The following TBC1D10B variants were observed in gnomAD, a reference collection of about 807,000 sequenced individuals.
TBC1D10B encodes the protein Rab27A-GAPbeta.
Under a neutral mutation model 78.4 loss-of-function variants are expected in TBC1D10B, and 25 were observed. That is an observed-to-expected ratio of 0.32 (90% CI 0.23 to 0.45). The LOEUF is 0.45. Ranked by LOEUF, TBC1D10B falls within the 20% of genes least tolerant of loss-of-function variation. The pLI is 1.00. For synonymous variants in TBC1D10B, 517 were observed against 478.0 expected (o/e 1.08, Z -1.06); for missense variants, 996 against 1,104.8 (o/e 0.90, Z 1.40).
rs2049625197 is a variant in TBC1D10B, at chr16:30,364,914, A to G, written c.1257T>C (p.Ala419=). 1.9e-6 allele frequency: 3 copies of G among 1,611,572 alleles called. No homozygotes were observed. The East Asian group carries it at 6.7e-5, about 36-fold the overall frequency. ...GGCCACCTTACCCATGCCCCCCTCG[A>G]GCAGCAAACATCTCGTGGAAAGGGA... is the stretch of plus-strand genomic sequence containing the variant. ...RQFPFHEMFA[A]RGGHGQQDLY... The change falls in exon 4 of 9, where the codon GCT becomes GCC. Residue 419 remains alanine (A), a synonymous_variant. Coordinates refer to ENST00000409939, the MANE Select transcript of TBC1D10B (RefSeq NM_015527.4).
intron 1 of TBC1D10B, among the ~76,000 whole-genome samples, chr16:30,368,594 G>C (rs1339745659): frequency 6.6e-6 from 1 of 152,160 alleles, no homozygotes; most frequent in Admixed American, 6.5e-5. Context: ...AACTAGGAAA[G>C]AGTCAGCCCG....
rs1246686838 is a variant in TBC1D10B, at chr16:30,365,460, T to G, written c.1056+35A>C. On this transcript the variant is annotated intron_variant, in intron 2 of 8. Coordinates refer to ENST00000409939, the MANE Select transcript of TBC1D10B (RefSeq NM_015527.4). This position sits in a 1 kb window ranked among gnomAD's most constrained non-coding sequence, Gnocchi z 5.0. The stretch of plus-strand genomic sequence containing the variant: ...GGAGCACATGCTACCCCTCCCAACT[T>G]GTGCATTGCCCTGCCCACCATTCAG... 3.1e-6 allele frequency: 5 copies of G among 1,610,646 alleles called. No individual in the cohort carries two copies. The highest frequency in any genetic ancestry group is 4.2e-6 in the Non-Finnish European group (5 of 1,176,976).
At position 30,369,139 on chromosome 16, in the gene TBC1D10B, A is replaced by C; in HGVS notation, c.956+89T>G. The C allele has an allele frequency of 7.4e-7, 1 of 1,345,722 alleles. No individual in the cohort carries two copies. The highest frequency in any genetic ancestry group is 1.0e-6 in the Non-Finnish European group (1 of 1,002,658). The allele number at this position is 1,345,722 out of a possible 1,614,324, so 83.4% of individuals were successfully genotyped here. ...TCCTCAGAGGAGGCTGGGCTGCCAGAGTCTGGGCAAAGTGTATCGTTTTCG... is the reference window on the plus strand; with the variant it reads ...TCCTCAGAGGAGGCTGGGCTGCCAGCGTCTGGGCAAAGTGTATCGTTTTCG... On this transcript the variant is annotated intron_variant, in intron 1 of 8. Coordinates refer to ENST00000409939, the MANE Select transcript of TBC1D10B (RefSeq NM_015527.4). This position sits in a 1 kb window ranked among gnomAD's most constrained non-coding sequence, Gnocchi z 4.3.
chr16:30,358,328 G>A lies in TBC1D10B; in HGVS notation c.2043C>T (p.Pro681=), dbSNP rs373727515. ...RAAGGAPSPP[P]PVRRASAGPA... ...GCCCAGCACTGGCTCTGCGGACGGG[G>A]GGCGGCGGGGACGGGGCCCCTCCAG... The change falls in exon 9 of 9, where the codon CCC becomes CCT. Residue 681 remains proline, a synonymous_variant. Transcript: ENST00000409939. 6.4e-7 allele frequency: 1 copy of A among 1,567,786 alleles called. No individual in the cohort carries two copies. Among genetic ancestry groups the A allele is most frequent in the Non-Finnish European group, 8.6e-7 (1 of 1,156,270 alleles).
intron 4 of TBC1D10B, among the ~76,000 whole-genome samples, chr16:30,364,134 AAAAG>A (rs1176039607): frequency 1.3e-5 from 2 of 151,164 alleles, no homozygotes; most frequent in Non-Finnish European, 3.0e-5. Flanking sequence ...AAAAAAAAAG[AAAAG>A]AAAGAACAAA....
rs2049682376 is a variant in TBC1D10B at position 30,370,465 on chromosome 16, G to T, written c.-282C>A. Among the ~76,000 whole-genome samples the T allele has an allele frequency of 6.6e-6, 1 of 152,042 alleles. No homozygotes were observed. The highest frequency in any genetic ancestry group is 2.1e-4 in the South Asian group (1 of 4,836). ...CCGCCGACCTCGCGCCTGCGCACAC[G>T]CCGCAGAGCCGGCTCCGCGCCAGCG... On this transcript the variant is annotated 5_prime_UTR_variant, in exon 1 of 9. Coordinates refer to ENST00000409939, the MANE Select transcript of TBC1D10B (RefSeq NM_015527.4).
intron 4 of TBC1D10B, among the ~76,000 whole-genome samples, chr16:30,360,616 T>C (rs992671794): frequency 1.1e-4 from 17 of 152,248 alleles, no homozygotes; most frequent in Non-Finnish European, 2.5e-4. Context: ...GTGATCTTCA[T>C]TTGTATTTTA....
At chr16:30,366,508 A>T (rs1041436181) in intron 1 of TBC1D10B, 2 of 152,074 alleles carry the variant, frequency 1.3e-5, no homozygotes, top group South Asian at 2.1e-4. Flanking sequence ...CCATCAAAAA[A>T]AAAAATAATA....
rs1323457472 is a variant in TBC1D10B at position 30,357,926 on chromosome 16, C to G, written c.*18G>C. The G allele has an allele frequency of 6.5e-7, 1 of 1,544,914 alleles. No homozygotes were observed. Among genetic ancestry groups the G allele is most frequent in the Admixed American group, 2.0e-5 (1 of 50,686 alleles). On this transcript the variant is annotated 3_prime_UTR_variant, in exon 9 of 9. Transcript: ENST00000409939. ...GAGGGAAAGAGGGGGGCCATGCAGTCCAGCCCCAGGGCAGAGGTCAGAAGT... is the reference window on the plus strand; with the variant it reads ...GAGGGAAAGAGGGGGGCCATGCAGTGCAGCCCCAGGGCAGAGGTCAGAAGT...
rs991964734 is a variant in TBC1D10B, at chr16:30,369,700, G to A, written c.484C>T (p.Pro162Ser). 7 of 1,516,988 alleles carry A rather than the reference G, an allele frequency of 4.6e-6. No homozygotes were observed. Among genetic ancestry groups the A allele is most frequent in the South Asian group, 2.5e-5 (2 of 78,940 alleles). The allele number at this position is 1,516,988 out of a possible 1,614,324, so 94.0% of individuals were successfully genotyped here. ...GGGGGTTTGGCGGTCAGGGCACCAG[G>A]AGCCGTTCTGGAAGGGGTCCTGGTA... ...TPTRTPSRTA[P>S]GALTAKPPLA... The change falls in exon 1 of 9, where the codon CCT becomes TCT. Residue 162 changes from proline to serine, a missense_variant. Physicochemically the swap from Pro to Ser is moderately conservative, Grantham distance 74. Transcript: ENST00000409939. This position sits in a 1 kb window ranked among gnomAD's most constrained non-coding sequence, Gnocchi z 4.3.
Position 30,370,231 on chromosome 16 carries a change from G to T in TBC1D10B, c.-48C>A. The T allele has an allele frequency of 9.8e-7, 1 of 1,019,796 alleles. No individual in the cohort carries two copies. Among genetic ancestry groups the T allele is most frequent in the Non-Finnish European group, 1.2e-6 (1 of 822,796 alleles). 63.2% of individuals were successfully genotyped at this position (1,019,796 alleles called of 1,614,324 possible). ...CCCCCCGCCGGGGAGGCCGCAGAAG[G>T]CGCCGCCCCTCGGGCCTCCCGGCGA... On this transcript the variant is annotated 5_prime_UTR_variant, in exon 1 of 9. Transcript: ENST00000409939.
Position 30,358,048 on chromosome 16 carries a change from G to C in TBC1D10B, c.2323C>G (p.Gln775Glu), listed in dbSNP as rs755020097. Reference sequence around the variant, plus strand: ...CGACGCAGCGAAAGCTTCCGGCCTTGAGCCTTCTTCTCCTGCTTCTGCCGC... The same window carrying C: ...CGACGCAGCGAAAGCTTCCGGCCTTCAGCCTTCTTCTCCTGCTTCTGCCGC... ...KERQKQEKKA[Q>E]GRKLSLRRKA... The change falls in exon 9 of 9, where the codon CAA becomes GAA. Residue 775 changes from glutamine (Q) to glutamate (E), a missense_variant. Physicochemically the swap from Gln to Glu is conservative, Grantham distance 29. Coordinates refer to ENST00000409939, the MANE Select transcript of TBC1D10B (RefSeq NM_015527.4). 3.2e-6 allele frequency: 5 copies of C among 1,551,782 alleles called. No homozygotes were observed. The South Asian group carries it at 3.6e-5, about 11-fold the overall frequency.
In TBC1D10B at chr16:30,364,834, C is replaced by T. The variant is rs186549469; in HGVS notation, c.1271+66G>A. 2.9e-4 allele frequency: 428 copies of T among 1,459,498 alleles called. 4 individuals are homozygous for T. In the East Asian group the frequency reaches 8.7e-3, roughly 30 times the overall value. The allele number at this position is 1,459,498 out of a possible 1,614,324, so 90.4% of individuals were successfully genotyped here. A position where few individuals can be genotyped will look rare whatever the true frequency, so the allele number is the denominator to read the frequency against. Reference sequence around the variant, plus strand: ...CACTTTCGACTCAGTCTTGTATCCACCTAGCTAAAAGGTGGATCCTCCAGC... The same window carrying T: ...CACTTTCGACTCAGTCTTGTATCCATCTAGCTAAAAGGTGGATCCTCCAGC... On this transcript the variant is annotated intron_variant, in intron 4 of 8. Coordinates refer to ENST00000409939, the MANE Select transcript of TBC1D10B (RefSeq NM_015527.4).
Position 30,358,058 on chromosome 16 carries a change from C to T in TBC1D10B, c.2313G>A (p.Glu771=). ...AAAGCTTCCGGCCTTGAGCCTTCTT[C>T]TCCTGCTTCTGCCGCTCCTTCTCCT... The part of the protein sequence containing the change: ...EKQEKERQKQ[E]KKAQGRKLSL... Residue 771 remains glutamate (E), a synonymous_variant, in exon 9 of 9, where the codon GAG becomes GAA. Coordinates refer to ENST00000409939, the MANE Select transcript of TBC1D10B (RefSeq NM_015527.4). The T allele has an allele frequency of 6.4e-7, 1 of 1,551,742 alleles. No individual in the cohort carries two copies. Among genetic ancestry groups the T allele is most frequent in the South Asian group, 1.2e-5 (1 of 84,006 alleles).
At chr16:30,366,499 C>T (rs2049637290) in intron 1 of TBC1D10B, 1 of 146,440 alleles carries the variant, frequency 6.8e-6, no homozygotes, top group African/African-American at 2.7e-5. Context: ...AGCGAGACTC[C>T]ATCAAAAAAA....
intron 7 of TBC1D10B, 78 bp downstream of exon 7, chr16:30,359,094 C>A: frequency 6.7e-7 from 1 of 1,481,960 alleles, no homozygotes; most frequent in South Asian, 1.3e-5. Flanking sequence ...GTCCATGGAC[C>A]ACCAGAAATA....
chr16:30,370,154 G>C lies in TBC1D10B; in HGVS notation c.30C>G (p.Ala10=). The C allele has an allele frequency of 6.7e-6, 8 of 1,188,210 alleles. No individual in the cohort carries two copies. Among genetic ancestry groups the C allele is most frequent in the Non-Finnish European group, 8.3e-6 (8 of 959,900 alleles). The allele number at this position is 1,188,210 out of a possible 1,614,324, so 73.6% of individuals were successfully genotyped here. A position where few individuals can be genotyped will look rare whatever the true frequency, so the allele number is the denominator to read the frequency against. The change falls in exon 1 of 9, where the codon GCC becomes GCG. Residue 10 remains alanine, a synonymous_variant. Coordinates refer to ENST00000409939, the MANE Select transcript of TBC1D10B (RefSeq NM_015527.4). The stretch of plus-strand genomic sequence containing the variant: ...CGGGGGCGCCATGACGGCGCGGCGG[G>C]GCCACCAGGGGCGCCGTGCCCGTCT... METGTAPLV[A]PPRRHGAPAA... is the part of the protein sequence containing the mutation.
rs1430640278 is a variant in TBC1D10B at position 30,370,124 on chromosome 16, G to T, written c.60C>A (p.Ala20=). Residue 20 remains alanine, a synonymous_variant, in exon 1 of 9, where the codon GCC becomes GCA. Coordinates refer to ENST00000409939, the MANE Select transcript of TBC1D10B (RefSeq NM_015527.4). ...GGGAACCCCGGGGCGGCGGCGAGGG[G>T]GCCGCGGGGGCGCCATGACGGCGCG... ...APPRRHGAPA[A]PSPPPRGSRA... 2 of 1,210,816 alleles carry T rather than the reference G, an allele frequency of 1.7e-6. No homozygotes were observed. Among genetic ancestry groups the T allele is most frequent in the Non-Finnish European group, 2.1e-6 (2 of 974,540 alleles). 75.0% of individuals were successfully genotyped at this position (1,210,816 alleles called of 1,614,324 possible).
In TBC1D10B at chr16:30,365,660, A is replaced by C; in HGVS notation, c.957-66T>G. The C allele has an allele frequency of 6.7e-7, 1 of 1,481,984 alleles. No individual in the cohort carries two copies. 91.8% of individuals were successfully genotyped at this position (1,481,984 alleles called of 1,614,324 possible). On this transcript the variant is annotated intron_variant, in intron 1 of 8. Coordinates refer to ENST00000409939, the MANE Select transcript of TBC1D10B (RefSeq NM_015527.4). The surrounding 1 kb of genome is among the most constrained non-coding windows in gnomAD (Gnocchi z 5.0). Reference sequence around the variant, plus strand: ...GTGTAAAACCTGCATTGCAGGGGGAACTGAGGCAAGCCACCTCCCCAAGCT... The same window carrying C: ...GTGTAAAACCTGCATTGCAGGGGGACCTGAGGCAAGCCACCTCCCCAAGCT...
Sources: gnomAD v4.1 joint callset for allele counts (sites outside exome capture counted in the v4.1 genomes callset) on GRCh38, gnomAD v4.1.1 for gene constraint, Gnocchi (gnomAD v3.1) non-coding constraint, MANE v1.5 for transcripts, NCBI Gene and HGNC (gene_info 2026-07-23, HGNC 2026-07-21) for gene names.